ADAM22: variants seen among roughly 807,000 people sequenced by gnomAD.
ADAM22 encodes ADAM metallopeptidase domain 22, also known as disintegrin and metalloproteinase domain-containing protein 22.
ADAM22 carries 65 observed loss-of-function variants against 144.6 expected under a neutral mutation model. The ratio of observed to expected loss-of-function variants is 0.45; its 90% CI spans 0.37 to 0.55. The LOEUF (loss-of-function observed/expected upper bound fraction) is 0.55. Ranked by LOEUF, ADAM22 falls within the 20% of genes least tolerant of loss-of-function variation. The pLI, the probability that ADAM22 is intolerant of heterozygous loss-of-function variation, is 0.00. For missense variants in ADAM22, 974 were observed against 1,184.9 expected, an observed-to-expected ratio of 0.82 and a Z score of 2.61; for synonymous variants, 391 against 412.6, an observed-to-expected ratio of 0.95 and a Z score of 0.63.
chr7:88,010,048 A>G (rs1051247566), intron 3 of ADAM22, among the ~76,000 whole-genome samples: 1 of 152,052 alleles, frequency 6.6e-6, no homozygotes, highest in African/African-American at 2.4e-5. Context: ...TTTCAAATAT[A>G]AATAGAACCA....
At chr7:88,172,974 A>G (rs1437153672) in intron 26 of ADAM22, among the ~76,000 whole-genome samples, 4 of 151,996 alleles carry the variant, frequency 2.6e-5, no homozygotes, top group Non-Finnish European at 5.9e-5. Flanking sequence ...ATTCAGCTTC[A>G]TTTCCACAGG....
intron 29 of ADAM22, among the ~76,000 whole-genome samples, chr7:88,182,416 C>G (rs1224558213): frequency 2.6e-5 from 4 of 152,130 alleles, no homozygotes; most frequent in African/African-American, 9.7e-5. Context: ...GGGAAAAATT[C>G]CCATTGTACT....
At chr7:87,949,861 G>C (rs191149800) in intron 2 of ADAM22, among the ~76,000 whole-genome samples, 29 of 149,296 alleles carry the variant, frequency 1.9e-4, no homozygotes, top group African/African-American at 6.8e-4. Context: ...ATAAAATATA[G>C]ATAATAAAAT....
At chr7:87,944,836 T>G (rs374872799) in intron 2 of ADAM22, among the ~76,000 whole-genome samples, 77 of 151,730 alleles carry the variant, frequency 5.1e-4, no homozygotes, top group African/African-American at 6.8e-4. Context: ...TTTTTGTTTT[T>G]TTTTTTTTAG....
intron 2 of ADAM22, among the ~76,000 whole-genome samples, chr7:87,947,607 A>G (rs970598278): frequency 6.6e-6 from 1 of 152,128 alleles, no homozygotes; most frequent in Admixed American, 6.5e-5. Flanking sequence ...GTTTAGCATG[A>G]TGTTCTTATA....
In ADAM22 at chr7:88,078,700, G is replaced by T. The variant is rs533533778; in HGVS notation, c.390+3008G>T. On this transcript the variant is annotated intron_variant, in intron 4 of 31. Coordinates refer to ENST00000413139, the MANE Select transcript of ADAM22 (RefSeq NM_001324418.2). The stretch of plus-strand genomic sequence containing the variant: ...ATGGCACGAGAACTGCATGACGAAT[G>T]CACAAGCCTCAGTAACCGATGTGAT... Among the ~76,000 whole-genome samples, 62 of 152,336 alleles carry T rather than the reference G, an allele frequency of 4.1e-4. 1 individual carries two copies. The highest frequency in any genetic ancestry group is 1.5e-3 in the African/African-American group (61 of 41,582).
At chr7:88,136,139 T>C (rs1369858927) in intron 14 of ADAM22, 108 bp downstream of exon 14, 4 of 928,110 alleles carry the variant, frequency 4.3e-6, no homozygotes, top group African/African-American at 3.4e-5. Context: ...CTAGCACTTA[T>C]AAAATATTTT....
chr7:88,153,851 A>G (rs10487009), intron 21 of ADAM22, among the ~76,000 whole-genome samples: 20,561 of 152,190 alleles, frequency 0.14, 1,990 homozygotes, highest in East Asian at 0.48. Flanking sequence ...CTGAACTAAG[A>G]CCTATATTAA....
In ADAM22 at chr7:88,151,024, G is replaced by A; in HGVS notation, c.1610G>A (p.Gly537Asp). 6.2e-7 allele frequency: 1 copy of A among 1,613,568 alleles called. No individual in the cohort carries two copies. The highest frequency in any genetic ancestry group is 8.5e-7 in the Non-Finnish European group (1 of 1,179,694). Residue 537 changes from glycine (G) to aspartate (D), a missense_variant, in exon 19 of 32, where the codon GGT (glycine) becomes GAT (aspartate). This residue lies in a region of ADAM22 where 734 missense variants were observed against 950.6 expected (regional missense o/e 0.77). Coordinates refer to ENST00000413139, the MANE Select transcript of ADAM22 (RefSeq NM_001324418.2). ...AAAATGGATGGATATTCATGTGATG[G>A]TGTTCAGGTAGGTCACTTCATTTTT... ...IHKMDGYSCD[G>D]VQGICFGGRC... is the part of the protein sequence containing the mutation.
At chr7:88,056,525 T>C (rs1808298281) in intron 3 of ADAM22, among the ~76,000 whole-genome samples, 1 of 152,216 alleles carries the variant, frequency 6.6e-6, no homozygotes, top group Admixed American at 6.5e-5. Context: ...TTTGCTGGGC[T>C]GTCGGCTGAA....
chr7:88,172,555 T>C (rs1159620096), intron 26 of ADAM22, among the ~76,000 whole-genome samples: 2 of 151,944 alleles, frequency 1.3e-5, no homozygotes, highest in Non-Finnish European at 2.9e-5. Context: ...CTTTCATTTT[T>C]TTCACAAATC....
intron 23 of ADAM22, 58 bp from the exon 24 acceptor site, chr7:88,165,774 T>C: frequency 8.2e-7 from 1 of 1,222,374 alleles, no homozygotes. Context: ...TAGTGTTTAT[T>C]TTTCATGCTT....
intron 2 of ADAM22, among the ~76,000 whole-genome samples, chr7:87,948,241 G>A (rs1285051376): frequency 1.3e-5 from 2 of 152,122 alleles, no homozygotes; most frequent in Admixed American, 6.6e-5. Flanking sequence ...GTCTCTGAAA[G>A]GTTATTTACA....
chr7:88,152,773 G>A (rs1838812946), intron 20 of ADAM22, among the ~76,000 whole-genome samples: 1 of 152,002 alleles, frequency 6.6e-6, no homozygotes, highest in South Asian at 2.1e-4. Context: ...CTGCCTCCCG[G>A]GTTCAAGCGA....
chr7:88,162,234 C>G (rs1841898029), intron 22 of ADAM22, among the ~76,000 whole-genome samples: 1 of 151,904 alleles, frequency 6.6e-6, no homozygotes, highest in Non-Finnish European at 1.5e-5. Flanking sequence ...AACACAGGAA[C>G]AGAAAACCAA....
intron 1 of ADAM22, 141 bp downstream of exon 1, chr7:87,934,691 G>A (rs1255420011): frequency 2.0e-5 from 17 of 857,132 alleles, no homozygotes; most frequent in Non-Finnish European, 2.9e-5. Context: ...AATTCGGGAG[G>A]GTGGTGAGAA....
intron 7 of ADAM22, among the ~76,000 whole-genome samples, chr7:88,120,186 T>A (rs907067796): frequency 2.6e-5 from 4 of 151,956 alleles, no homozygotes; most frequent in East Asian, 1.9e-4. Flanking sequence ...ATATATATAT[T>A]TTTTATTATA....
intron 7 of ADAM22, among the ~76,000 whole-genome samples, chr7:88,123,355 T>G (rs1413874236): frequency 1.3e-5 from 2 of 152,070 alleles, no homozygotes; most frequent in Non-Finnish European, 2.9e-5. Context: ...TTTGGTAGAA[T>G]TCATCAGTGA....
intron 3 of ADAM22, among the ~76,000 whole-genome samples, chr7:88,003,347 A>T (rs1793025100): frequency 6.6e-6 from 1 of 152,256 alleles, no homozygotes; most frequent in African/African-American, 2.4e-5. Context: ...AGAGGAGTTA[A>T]ATAACTTGCT....
Sources: allele counts gnomAD v4.1 joint callset (sites outside exome capture counted in the v4.1 genomes callset), GRCh38; gene constraint gnomAD v4.1.1; regional missense constraint gnomAD v4.1.1; transcripts MANE v1.5; gene names NCBI Gene and HGNC (gene_info 2026-07-23, HGNC 2026-07-21).